SOX5: variants seen among roughly 807,000 people sequenced by gnomAD.
The protein encoded by SOX5 is transcription factor SOX-5.
In SOX5, 9 loss-of-function variants were observed where a neutral mutation model predicts 92.0. The ratio of observed to expected loss-of-function variants is 0.10; its 90% CI spans 0.06 to 0.17. The LOEUF (loss-of-function observed/expected upper bound fraction) is 0.17. Ranked by LOEUF, SOX5 falls within the 10% of genes least tolerant of loss-of-function variation. SOX5 has a pLI of 1.00. For missense variants in SOX5, 642 were observed against 944.5 expected (o/e 0.68, Z 4.20); for synonymous variants, 344 against 336.3 (o/e 1.02, Z -0.25).
At chr12:24,068,714 A>G (rs1439184258) in intron 4 of SOX5, among the ~76,000 whole-genome samples, 5,390 of 55,816 alleles carry the variant, frequency 0.097, 170 homozygotes, top group South Asian at 0.15. Context: ...GTATATATAT[A>G]TATATATATA....
intron 4 of SOX5, among the ~76,000 whole-genome samples, chr12:24,031,130 A>T (rs1006978812): frequency 6.6e-6 from 1 of 151,790 alleles, no homozygotes; most frequent in African/African-American, 2.4e-5. Context: ...GGAAAACAGT[A>T]TGGAGGTTTT....
intron 4 of SOX5, among the ~76,000 whole-genome samples, chr12:23,742,341 C>G (rs1332974700): frequency 1.3e-5 from 2 of 152,070 alleles, no homozygotes; most frequent in Admixed American, 1.3e-4. Flanking sequence ...AAGGCAGTAA[C>G]CATTTCTTAT....
intron 2 of SOX5, among the ~76,000 whole-genome samples, chr12:24,284,856 G>A (rs1440277619): frequency 1.3e-5 from 2 of 152,204 alleles, no homozygotes; most frequent in Non-Finnish European, 2.9e-5. Flanking sequence ...TGAGCGTGGT[G>A]GCTTACACCT....
intron 4 of SOX5, among the ~76,000 whole-genome samples, chr12:24,046,922 C>T (rs1354601248): frequency 6.6e-6 from 1 of 151,878 alleles, no homozygotes; most frequent in Non-Finnish European, 1.5e-5. Flanking sequence ...CCTGACCTCA[C>T]GTGATCCACC....
Position 24,330,325 on chromosome 12 carries a change from A to G in SOX5, c.-174+38238T>C, listed in dbSNP as rs75583408. Among the ~76,000 whole-genome samples the G allele has an allele frequency of 1.1e-4, 16 of 152,304 alleles. No individual in the cohort carries two copies. The East Asian group carries it at 3.1e-3, about 29-fold the overall frequency. On this transcript the variant is annotated intron_variant, in intron 2 of 4. Transcript: ENST00000446891. ...AATCTTATTTTTGTATAACAGGTAT[A>G]CCTAAAAGAAATGTTCAAGATGAAA...
chr12:24,047,766 T>G (rs1498873), intron 4 of SOX5, among the ~76,000 whole-genome samples: 111,409 of 152,100 alleles, frequency 0.73, 42,229 homozygotes, highest in East Asian at 1. Context: ...GGTCTGCATG[T>G]GGAATGAACC....
chr12:24,259,259 C>T (rs1376716875), intron 3 of SOX5, among the ~76,000 whole-genome samples: 2 of 152,092 alleles, frequency 1.3e-5, no homozygotes, highest in Non-Finnish European at 2.9e-5. Context: ...AGAGAGAGCG[C>T]GCACATGGTT....
intron 6 of SOX5, among the ~76,000 whole-genome samples, chr12:23,672,283 A>C (rs2084918649): frequency 6.6e-6 from 1 of 152,106 alleles, no homozygotes; most frequent in Non-Finnish European, 1.5e-5. Flanking sequence ...AGAAAACAGC[A>C]CAAGCATGCA....
chr12:23,845,340 C>T (rs1431465275), intron 3 of SOX5, among the ~76,000 whole-genome samples: 1 of 152,096 alleles, frequency 6.6e-6, no homozygotes, highest in Non-Finnish European at 1.5e-5. Flanking sequence ...TAAGTTTGTA[C>T]AATTTGCAAC....
chr12:24,188,849 G>A (rs1358449619), intron 4 of SOX5, among the ~76,000 whole-genome samples: 1 of 152,170 alleles, frequency 6.6e-6, no homozygotes, highest in Non-Finnish European at 1.5e-5. Context: ...CAGGTGAAAT[G>A]TAACGAAAAT....
At chr12:24,032,040 T>A (rs1215934997) in intron 4 of SOX5, among the ~76,000 whole-genome samples, 2 of 151,908 alleles carry the variant, frequency 1.3e-5, no homozygotes, top group Non-Finnish European at 2.9e-5. Flanking sequence ...TAAGCAACGA[T>A]GAAACCTAAG....
chr12:24,181,335 C>T (rs1248543795), intron 4 of SOX5, among the ~76,000 whole-genome samples: 1 of 152,176 alleles, frequency 6.6e-6, no homozygotes, highest in East Asian at 1.9e-4. Context: ...TGCCCTGTTG[C>T]TCAATATTCT....
intron 3 of SOX5, among the ~76,000 whole-genome samples, chr12:23,756,161 T>C (rs1212811564): frequency 6.6e-6 from 1 of 151,652 alleles, no homozygotes; most frequent in African/African-American, 2.4e-5. Flanking sequence ...TACAATTACA[T>C]CCACTTTATA....
At chr12:24,160,090 C>T (rs1225209015) in intron 4 of SOX5, among the ~76,000 whole-genome samples, 2 of 151,996 alleles carry the variant, frequency 1.3e-5, no homozygotes, top group African/African-American at 2.4e-5. Flanking sequence ...AACATCTTAG[C>T]TTTCAGCTTT....
intron 3 of SOX5, among the ~76,000 whole-genome samples, chr12:23,807,569 GA>G (rs1358451972): frequency 1.3e-5 from 2 of 152,026 alleles, no homozygotes; most frequent in African/African-American, 4.8e-5. Flanking sequence ...AAAGGTTTCA[GA>G]AGGATCATGG....
At chr12:24,323,781 G>C (rs812870) in intron 2 of SOX5, among the ~76,000 whole-genome samples, 23,495 of 152,058 alleles carry the variant, frequency 0.15, 1,907 homozygotes, top group South Asian at 0.18. Context: ...ATTGTACCTA[G>C]TATGCTGGTT....
At chr12:24,419,814 A>G (rs567893621) in intron 1 of SOX5, among the ~76,000 whole-genome samples, 5 of 152,370 alleles carry the variant, frequency 3.3e-5, no homozygotes, top group African/African-American at 1.2e-4. Flanking sequence ...AATGGTGATC[A>G]AAATAAAACA....
At position 24,529,802 on chromosome 12, in the gene SOX5, G is replaced by A. The variant is rs756568006; in HGVS notation, c.-251+32527C>T. Among the ~76,000 whole-genome samples, 171 of 152,266 alleles carry A rather than the reference G, an allele frequency of 1.1e-3. 14 individuals carry two copies. Among genetic ancestry groups the A allele is most frequent in the Admixed American group, 3.9e-4 (6 of 15,308 alleles). ...CAGGAGGCCGAGGTGGGCAGATCAC[G>A]AGGTCAGGAGATCGAGATCATCCTT... On this transcript the variant is annotated intron_variant, in intron 1 of 4. Coordinates refer to the SOX5 transcript ENST00000446891.
chr12:24,239,090 C>T (rs1965077510), intron 3 of SOX5, among the ~76,000 whole-genome samples: 1 of 152,174 alleles, frequency 6.6e-6, no homozygotes, highest in South Asian at 2.1e-4. Flanking sequence ...TAACAACCTT[C>T]AGAATCCCAA....
Sources: allele counts gnomAD v4.1 joint callset (sites outside exome capture counted in the v4.1 genomes callset), GRCh38; gene constraint gnomAD v4.1.1; transcripts MANE v1.5; gene names NCBI Gene and HGNC (gene_info 2026-07-23, HGNC 2026-07-21).